The following RRP12 variants were observed in gnomAD, a reference collection of about 807,000 sequenced individuals.
The protein encoded by RRP12 is RRP12-like protein.
A neutral mutation model predicts 157.3 loss-of-function variants in RRP12; 78 were observed. That is an observed-to-expected ratio of 0.50 (90% CI 0.41 to 0.60). The LOEUF (loss-of-function observed/expected upper bound fraction) is 0.60, where lower values mean the gene tolerates loss of function less well. Among genes scored for constraint, RRP12 ranks in the 20% least tolerant of loss-of-function variants. The pLI is 0.00. For missense variants in RRP12, 1,521 were observed against 1,679.9 expected (o/e 0.91, Z 1.65); for synonymous variants, 726 against 670.9 (o/e 1.08, Z -1.27).
chr10:97,366,700 G>A (rs781049489), intron 27 of RRP12, 42 bp downstream of exon 27: 4 of 1,603,198 alleles, frequency 2.5e-6, no homozygotes, highest in Non-Finnish European at 3.4e-6. Context: ...AGGCCCTTGG[G>A]TTGGGGGGAC....
At chr10:97,400,196 T>C in intron 2 of RRP12, 109 bp downstream of exon 2, 1 of 814,630 alleles carries the variant, frequency 1.2e-6, no homozygotes, top group Non-Finnish European at 2.1e-6. Flanking sequence ...TGACGCATCA[T>C]CCAGAAATAC....
At chr10:97,390,649 C>T in intron 5 of RRP12, 90 bp downstream of exon 5, 1 of 1,341,400 alleles carries the variant, frequency 7.5e-7, no homozygotes, top group Non-Finnish European at 1.1e-6. Flanking sequence ...CCCCAGGGTG[C>T]CTAAACCCCT....
chr10:97,399,549 G>GTA (rs1845078481), intron 2 of RRP12, among the ~76,000 whole-genome samples: 1 of 151,332 alleles, frequency 6.6e-6, no homozygotes, highest in Admixed American at 6.6e-5. Flanking sequence ...TAACTTTATA[G>GTA]TATAGATAAA....
intron 15 of RRP12, 40 bp from the exon 16 acceptor site, chr10:97,373,934 C>G (rs771124078): frequency 1.9e-6 from 3 of 1,586,720 alleles, no homozygotes; most frequent in Non-Finnish European, 2.6e-6. Context: ...GCCCAGCACC[C>G]TCCTGGCCAA....
intron 4 of RRP12, 74 bp downstream of exon 4, chr10:97,393,610 C>T (rs1844871814): frequency 8.9e-7 from 1 of 1,124,290 alleles, no homozygotes; most frequent in African/African-American, 1.5e-5. Flanking sequence ...ATTCCCTGAT[C>T]CTGTTTCTCC....
intron 4 of RRP12, among the ~76,000 whole-genome samples, chr10:97,392,036 A>T (rs1844821456): frequency 6.7e-6 from 1 of 150,034 alleles, no homozygotes; most frequent in East Asian, 1.9e-4. Flanking sequence ...ACAGGGTCTC[A>T]CTCGTCACCC....
rs766691437 is a variant in RRP12 at position 97,373,052 on chromosome 10, G to C, written c.2175C>G (p.Asp725Glu). Residue 725 changes from aspartate (D) to glutamate (E), a missense_variant, in exon 18 of 34, where the codon GAC becomes GAG. Coordinates refer to ENST00000370992, the MANE Select transcript of RRP12 (RefSeq NM_015179.4). Reference sequence around the variant, plus strand: ...CCTCCCTTCCGTGGCTCACCTGAGTGTCAGTGATGGTGAGGTAAGTTCTGA... The same window carrying C: ...CCTCCCTTCCGTGGCTCACCTGAGTCTCAGTGATGGTGAGGTAAGTTCTGA... ...ETIRTYLTIT[D>E]TQLVNSLLEK... 6.8e-6 allele frequency: 11 copies of C among 1,611,450 alleles called. No individual in the cohort carries two copies. Among genetic ancestry groups the C allele is most frequent in the Non-Finnish European group, 9.3e-6 (11 of 1,178,274 alleles).
At chr10:97,377,536 CTG>C (rs1251113413) in intron 15 of RRP12, among the ~76,000 whole-genome samples, 1 of 149,054 alleles carries the variant, frequency 6.7e-6, no homozygotes, top group Non-Finnish European at 1.5e-5. Context: ...GTGTATGTGT[CTG>C]TGTTTCAATA....
At chr10:97,373,926 C>A in intron 15 of RRP12, 32 bp from the exon 16 acceptor site, 1 of 1,598,574 alleles carries the variant, frequency 6.3e-7, no homozygotes, top group South Asian at 1.1e-5. Flanking sequence ...GAGTGTGAGC[C>A]CAGCACCCTC....
At chr10:97,369,068 A>C (rs1302862484) in intron 25 of RRP12, among the ~76,000 whole-genome samples, 1 of 151,586 alleles carries the variant, frequency 6.6e-6, no homozygotes, top group Non-Finnish European at 1.5e-5. Flanking sequence ...AAAAAAAGGC[A>C]AGATGAGGGG....
chr10:97,374,020 G>C (rs1844235576), intron 15 of RRP12, 126 bp from the exon 16 acceptor site: 2 of 711,382 alleles, frequency 2.8e-6, no homozygotes, highest in East Asian at 5.5e-5. Flanking sequence ...CCATCTCCAT[G>C]AATTAAATCA....
chr10:97,383,042 G>A (rs912381884), intron 10 of RRP12, among the ~76,000 whole-genome samples: 19 of 152,170 alleles, frequency 1.2e-4, no homozygotes, highest in African/African-American at 4.1e-4. Context: ...GATTATAAGC[G>A]TGAGCCACTG....
intron 30 of RRP12, 28 bp downstream of exon 30, chr10:97,363,826 T>C: frequency 6.2e-7 from 1 of 1,603,886 alleles, no homozygotes; most frequent in Non-Finnish European, 8.5e-7. Context: ...TCTGAAGCCC[T>C]AGCCCCCCAT....
Position 97,358,621 on chromosome 10 carries a change from T to G in RRP12, c.3709-2A>C. 6.2e-7 allele frequency: 1 copy of G among 1,613,024 alleles called. No individual in the cohort carries two copies. Reference sequence around the variant, plus strand: ...CTTCTTCACATCACCTTTTGCTTTCTGCTTGCCCAGAGAAACAGAGTCAGC... The same window carrying G: ...CTTCTTCACATCACCTTTTGCTTTCGGCTTGCCCAGAGAAACAGAGTCAGC... On this transcript the variant is annotated splice_acceptor_variant, in intron 32 of 33. Coordinates refer to ENST00000370992, the MANE Select transcript of RRP12 (RefSeq NM_015179.4). LOFTEE classifies it high-confidence loss of function.
At chr10:97,364,545 C>T (rs1197196076) in intron 29 of RRP12, among the ~76,000 whole-genome samples, 2 of 152,194 alleles carry the variant, frequency 1.3e-5, no homozygotes, top group Non-Finnish European at 2.9e-5. Context: ...GGCAAAACCC[C>T]ATCACTACTA....
At chr10:97,366,656 A>G (rs758996434) in intron 27 of RRP12, 35 bp from the exon 28 acceptor site, 22 of 1,602,544 alleles carry the variant, frequency 1.4e-5, no homozygotes, top group Non-Finnish European at 1.9e-5. Flanking sequence ...GAGTGCTCCC[A>G]GGAGAGGCGG....
intron 15 of RRP12, among the ~76,000 whole-genome samples, chr10:97,377,771 G>A (rs892459839): frequency 1.1e-4 from 17 of 149,982 alleles, no homozygotes; most frequent in African/African-American, 3.9e-4. Flanking sequence ...TTGAACCCAG[G>A]AGGCGGAGAT....
chr10:97,390,965 A>G, intron 4 of RRP12, 121 bp from the exon 5 acceptor site: 1 of 716,068 alleles, frequency 1.4e-6, no homozygotes. Flanking sequence ...TCAGAAAGTG[A>G]GCAACAAAGT....
Position 97,379,419 on chromosome 10 carries a change from G to C in RRP12, c.1677-5C>G. 3 of 1,613,890 alleles carry C rather than the reference G, an allele frequency of 1.9e-6. No individual in the cohort carries two copies. Among genetic ancestry groups the C allele is most frequent in the Non-Finnish European group, 2.5e-6 (3 of 1,180,002 alleles). ...CGTGGGAAATCCAGAGTCTCCCTGG[G>C]AAGAGAATGGGAAGAACCCAATGAG... On this transcript the variant is annotated splice_region_variant and splice_polypyrimidine_tract_variant and intron_variant, in intron 14 of 33. Transcript: ENST00000370992.
Sources: gnomAD v4.1 joint callset for allele counts (sites outside exome capture counted in the v4.1 genomes callset) on GRCh38, gnomAD v4.1.1 for gene constraint, MANE v1.5 for transcripts, NCBI Gene and HGNC (gene_info 2026-07-23, HGNC 2026-07-21) for gene names.